The following ZEB1 variants were observed in gnomAD, a reference collection of about 807,000 sequenced individuals.
ZEB1 encodes zinc finger E-box-binding homeobox 1.
In ZEB1, 21 loss-of-function variants were observed where a neutral mutation model predicts 84.9. That is an observed-to-expected ratio of 0.25 (90% CI 0.18 to 0.36). The LOEUF (loss-of-function observed/expected upper bound fraction) is 0.36, where lower values mean the gene tolerates loss of function less well. Ranked by LOEUF, ZEB1 falls within the 10% of genes least tolerant of loss-of-function variation. ZEB1 has a pLI of 1.00. For missense variants in ZEB1, 1,104 were observed against 1,330.2 expected (o/e 0.83, Z 2.65); for synonymous variants, 420 against 471.1 (o/e 0.89, Z 1.41).
intron 2 of ZEB1, among the ~76,000 whole-genome samples, chr10:31,473,326 A>G (rs1427904849): frequency 1.3e-4 from 19 of 149,414 alleles, no homozygotes; most frequent in African/African-American, 3.9e-4. Flanking sequence ...TCTCAGCCCA[A>G]AATCTCCTTA....
intron 1 of ZEB1, among the ~76,000 whole-genome samples, chr10:31,445,833 G>T (rs1197920997): frequency 8.9e-6 from 1 of 112,054 alleles, no homozygotes; most frequent in Non-Finnish European, 1.8e-5. Context: ...TTTTATTGAG[G>T]ATTTTTGCAT....
At chr10:31,396,898 A>G (rs1352645639) in intron 1 of ZEB1, among the ~76,000 whole-genome samples, 2 of 152,088 alleles carry the variant, frequency 1.3e-5, no homozygotes, top group Non-Finnish European at 2.9e-5. Flanking sequence ...AAAAGTTTGG[A>G]TGTATTTCTT....
At chr10:31,449,493 T>G (rs1286742726) in intron 1 of ZEB1, among the ~76,000 whole-genome samples, 1 of 152,218 alleles carries the variant, frequency 6.6e-6, no homozygotes, top group Non-Finnish European at 1.5e-5. Context: ...TAAGTTAAAG[T>G]CTTTGATTTC....
intron 1 of ZEB1, among the ~76,000 whole-genome samples, chr10:31,367,686 C>T (rs1317036974): frequency 6.6e-6 from 1 of 152,060 alleles, no homozygotes; most frequent in Non-Finnish European, 1.5e-5. Flanking sequence ...TTTAAACTCA[C>T]TTTCTAAAGG....
chr10:31,516,859 T>C (rs2071258592), intron 6 of ZEB1, among the ~76,000 whole-genome samples: 1 of 152,044 alleles, frequency 6.6e-6, no homozygotes, highest in Admixed American at 6.6e-5. Flanking sequence ...GATGGTCTGG[T>C]TGATTCCAAG....
chr10:31,526,866 C>T lies in ZEB1; in HGVS notation c.2980C>T (p.Arg994Cys), dbSNP rs753928852. The part of the protein sequence containing the change: ...YSYCKREAEE[R>C]DSTEQEEAGP... ...CTACTGTAAGAGAGAAGCGGAAGAA[C>T]GTGACAGCACAGAGCAGGAAGAGGC... Residue 994 changes from arginine to cysteine, a missense_variant, in exon 9 of 9, where the codon CGT (arginine) becomes TGT (cysteine). Transcript: ENST00000424869. 17 of 1,614,022 alleles carry T rather than the reference C, an allele frequency of 1.1e-5. No individual in the cohort carries two copies. The highest frequency in any genetic ancestry group is 4.5e-5 in the East Asian group (2 of 44,866).
chr10:31,376,767 A>G (rs1180816479), intron 1 of ZEB1, among the ~76,000 whole-genome samples: 1 of 151,696 alleles, frequency 6.6e-6, no homozygotes, highest in East Asian at 1.9e-4. Flanking sequence ...AAATGCTAGA[A>G]GAGTATCTAG....
chr10:31,444,217 A>C (rs1319377551), intron 1 of ZEB1, among the ~76,000 whole-genome samples: 2 of 128,590 alleles, frequency 1.6e-5, no homozygotes, highest in East Asian at 4.6e-4. Flanking sequence ...TCTTCTTTTG[A>C]GAAGTGTCTG....
intron 1 of ZEB1, among the ~76,000 whole-genome samples, chr10:31,405,562 A>G (rs1309917778): frequency 6.6e-6 from 1 of 152,004 alleles, no homozygotes; most frequent in Non-Finnish European, 1.5e-5. Context: ...TGTAAACTTT[A>G]TTTTTTAAAG....
chr10:31,392,648 G>A (rs1012153682), intron 1 of ZEB1, among the ~76,000 whole-genome samples: 2 of 151,844 alleles, frequency 1.3e-5, no homozygotes, highest in African/African-American at 4.8e-5. Flanking sequence ...AGTCTGCCTA[G>A]TTTAAGATCT....
At chr10:31,448,662 A>G (rs1456323531) in intron 1 of ZEB1, among the ~76,000 whole-genome samples, 16 of 151,890 alleles carry the variant, frequency 1.1e-4, no homozygotes, top group Non-Finnish European at 1.8e-4. Flanking sequence ...GTCTGTTGGA[A>G]TACCCTGCCG....
intron 1 of ZEB1, among the ~76,000 whole-genome samples, chr10:31,417,059 C>T (rs1221839052): frequency 6.6e-6 from 1 of 152,118 alleles, no homozygotes; most frequent in Non-Finnish European, 1.5e-5. Context: ...CTTATTTATT[C>T]AGCAGACCTT....
chr10:31,341,763 TAAG>T (rs2039410046), intron 1 of ZEB1, among the ~76,000 whole-genome samples: 1 of 151,756 alleles, frequency 6.6e-6, no homozygotes, highest in African/African-American at 2.4e-5. Flanking sequence ...CCCACAAAGA[TAAG>T]AAAAGGAACT....
chr10:31,511,238 A>C lies in ZEB1; in HGVS notation c.687+363A>C, dbSNP rs59739866. On this transcript the variant is annotated intron_variant, in intron 5 of 8. Coordinates refer to ENST00000424869, the MANE Select transcript of ZEB1 (RefSeq NM_001174096.2). ...AAAATAAGTACTGACTATATAAACC[A>C]CATTATACTAACCAAATTGACAAGA... is the stretch of plus-strand genomic sequence containing the variant. Among the ~76,000 whole-genome samples the C allele has an allele frequency of 2.7e-3, 408 of 152,318 alleles. 5 individuals are homozygous for C. Among genetic ancestry groups the C allele is most frequent in the African/African-American group, 8.9e-3 (371 of 41,578 alleles).
At chr10:31,419,274 A>G (rs1412518594) in intron 1 of ZEB1, among the ~76,000 whole-genome samples, 1 of 152,142 alleles carries the variant, frequency 6.6e-6, no homozygotes, top group Non-Finnish European at 1.5e-5. Flanking sequence ...ACATGCATGA[A>G]TGCCCTGGGG....
intron 1 of ZEB1, among the ~76,000 whole-genome samples, chr10:31,408,133 T>C (rs935633588): frequency 4.6e-5 from 7 of 151,778 alleles, no homozygotes; most frequent in African/African-American, 9.7e-5. Context: ...ATGAGTGAAC[T>C]CCCATTCACA....
At chr10:31,380,528 T>C (rs1446819488) in intron 1 of ZEB1, among the ~76,000 whole-genome samples, 1 of 152,016 alleles carries the variant, frequency 6.6e-6, no homozygotes, top group Non-Finnish European at 1.5e-5. Context: ...TACCAATCTT[T>C]CCTCCCGTGG....
In ZEB1 at chr10:31,520,416, G is replaced by T. The variant is rs192544989; in HGVS notation, c.1084G>T (p.Ala362Ser). Residue 362 changes from alanine to serine, a missense_variant, in exon 7 of 9, where the codon GCT becomes TCT. By Grantham distance (99) the Ala-to-Ser change is moderately conservative. Coordinates refer to ENST00000424869, the MANE Select transcript of ZEB1 (RefSeq NM_001174096.2). This position sits in a 1 kb window ranked among gnomAD's most constrained non-coding sequence, Gnocchi z 5.1. ...TTATGAATTCAAACCCATAGTGGTTGCTTCAGGAATCAACTGTTCAACCCC... is the reference window on the plus strand; with the variant it reads ...TTATGAATTCAAACCCATAGTGGTTTCTTCAGGAATCAACTGTTCAACCCC... ...VDYEFKPIVV[A>S]SGINCSTPLQ... The T allele has an allele frequency of 1.1e-5, 18 of 1,613,986 alleles. No homozygotes were observed. The highest frequency in any genetic ancestry group is 3.3e-5 in the Admixed American group (2 of 59,990).
In ZEB1 at chr10:31,510,851, A is replaced by G. The variant is rs760336821; in HGVS notation, c.663A>G (p.Thr221=). 1 of 1,613,918 alleles carries G rather than the reference A, an allele frequency of 6.2e-7. No individual in the cohort carries two copies. Among genetic ancestry groups the G allele is most frequent in the South Asian group, 1.1e-5 (1 of 91,076 alleles). Reference sequence around the variant, plus strand: ...GAACCCAACTTGAACGTCACATGACATCACATAAATCAGGAAGAGATCAAG... The same window carrying G: ...GAACCCAACTTGAACGTCACATGACGTCACATAAATCAGGAAGAGATCAAG... The part of the protein sequence containing the change: ...AYRTQLERHM[T]SHKSGRDQRH... The change falls in exon 5 of 9, where the codon ACA becomes ACG. Residue 221 remains threonine, a synonymous_variant. Coordinates refer to ENST00000424869, the MANE Select transcript of ZEB1 (RefSeq NM_001174096.2).
Sources: gnomAD v4.1 joint callset for allele counts (sites outside exome capture counted in the v4.1 genomes callset) on GRCh38, gnomAD v4.1.1 for gene constraint, Gnocchi (gnomAD v3.1) non-coding constraint, MANE v1.5 for transcripts, NCBI Gene and HGNC (gene_info 2026-07-23, HGNC 2026-07-21) for gene names.